The following LHCGR variants were observed in gnomAD, a reference collection of about 807,000 sequenced individuals.
The protein encoded by LHCGR is luteinizing hormone/choriogonadotropin receptor.
A neutral mutation model predicts 60.7 loss-of-function variants in LHCGR; 55 were observed. The ratio of observed to expected loss-of-function variants is 0.91; its 90% CI spans 0.73 to 1.13. The LOEUF (loss-of-function observed/expected upper bound fraction) is 1.13. LHCGR is among the 50% of genes most tolerant of loss of function. The probability of loss-of-function intolerance (pLI) is 0.00; values close to 1 mark genes in which losing one functional copy is unlikely to be tolerated. For missense variants in LHCGR, 862 were observed against 836.0 expected, an observed-to-expected ratio of 1.03 and a Z score of -0.38; for synonymous variants, 337 against 316.5, an observed-to-expected ratio of 1.06 and a Z score of -0.69.
intron 4 of LHCGR, among the ~76,000 whole-genome samples, chr2:48,724,506 A>G (rs1668634664): frequency 6.6e-6 from 1 of 152,206 alleles, no homozygotes; most frequent in Non-Finnish European, 1.5e-5. Context: ...TCTCCTTCTT[A>G]TCCAAAAGCC....
At chr2:48,731,681 G>T (rs988395382) in intron 1 of LHCGR, among the ~76,000 whole-genome samples, 1 of 152,090 alleles carries the variant, frequency 6.6e-6, no homozygotes. Context: ...AATTAATCAG[G>T]ATAATCCATG....
chr2:48,708,883 G>A (rs974263103), intron 8 of LHCGR, 65 bp downstream of exon 8: 20 of 1,210,582 alleles, frequency 1.7e-5, no homozygotes, highest in Non-Finnish European at 2.2e-5. Context: ...GATGTGGAGG[G>A]ACACCCTAAG....
chr2:48,711,554 T>G (rs13428575), intron 7 of LHCGR, among the ~76,000 whole-genome samples: 42,069 of 152,086 alleles, frequency 0.28, 6,695 homozygotes, highest in Non-Finnish European at 0.36. Context: ...ATAGTTCACG[T>G]CCATTTTGGC....
intron 1 of LHCGR, among the ~76,000 whole-genome samples, chr2:48,740,035 C>T (rs918886470): frequency 1.1e-4 from 16 of 152,274 alleles, no homozygotes; most frequent in East Asian, 5.8e-4. Flanking sequence ...TCGGGAAGCG[C>T]GAGGGGTCAG....
rs149199738 is a variant in LHCGR at position 48,729,161 on chromosome 2, C to T, written c.300G>A (p.Leu100=). The T allele has an allele frequency of 1.9e-6, 3 of 1,610,060 alleles. No homozygotes were observed. The African/African-American group carries it at 4.0e-5, about 22-fold the overall frequency. Residue 100 remains leucine, a synonymous_variant, in exon 3 of 11, where the codon TTG becomes TTA. Coordinates refer to ENST00000294954, the MANE Select transcript of LHCGR (RefSeq NM_000233.4). The part of the protein sequence containing the change: ...EANAFDNLLN[L]SEILIQNTKN... ...TGTTAGCTGATGCTTACATTTCAGACAAATTGAGGAGGTTGTCAAAGGCAT... is the reference window on the plus strand; with the variant it reads ...TGTTAGCTGATGCTTACATTTCAGATAAATTGAGGAGGTTGTCAAAGGCAT...
rs62137533 is a variant in LHCGR, at chr2:48,691,003, C to T, written c.948-2154G>A. Among the ~76,000 whole-genome samples the T allele has an allele frequency of 5.6e-3, 859 of 152,322 alleles. 4 individuals carry two copies. The highest frequency in any genetic ancestry group is 0.012 in the South Asian group (58 of 4,826). ...TGAGAGGATACAGGGACAATGAGCA[C>T]ACAGCATGATGCATGTAGGCTCAAC... On this transcript the variant is annotated intron_variant, in intron 10 of 10. Coordinates refer to ENST00000294954, the MANE Select transcript of LHCGR (RefSeq NM_000233.4).
chr2:48,699,469 C>T (rs1023311167), intron 8 of LHCGR, among the ~76,000 whole-genome samples: 4 of 152,096 alleles, frequency 2.6e-5, no homozygotes, highest in South Asian at 2.1e-4. Flanking sequence ...TTGCTTTATG[C>T]GACAGCCAGC....
In LHCGR at chr2:48,755,495, A is replaced by G. The variant is rs1158880070; in HGVS notation, c.161+16T>C. The G allele has an allele frequency of 2.0e-6, 3 of 1,508,498 alleles. No individual in the cohort carries two copies. Among genetic ancestry groups the G allele is most frequent in the Non-Finnish European group, 2.7e-6 (3 of 1,114,410 alleles). 93.4% of individuals were successfully genotyped at this position (1,508,498 alleles called of 1,614,324 possible). ...CCTGCATCAAGGGCGCCGCGACGGG[A>G]GCGCTGTGTACTCACAGTCGAGTGA... On this transcript the variant is annotated intron_variant, in intron 1 of 10. Transcript: ENST00000294954.
chr2:48,753,862 G>A (rs1221618644), intron 1 of LHCGR, among the ~76,000 whole-genome samples: 1 of 152,102 alleles, frequency 6.6e-6, no homozygotes, highest in South Asian at 2.1e-4. Context: ...TTCTTACAAA[G>A]ATGAGCAAAT....
intron 1 of LHCGR, among the ~76,000 whole-genome samples, chr2:48,745,125 G>A (rs1234261747): frequency 6.6e-6 from 1 of 152,198 alleles, no homozygotes; most frequent in Non-Finnish European, 1.5e-5. Context: ...TCAGAGAAAT[G>A]CAAATCAAAA....
intron 1 of LHCGR, among the ~76,000 whole-genome samples, chr2:48,740,739 G>A (rs1001126294): frequency 5.9e-5 from 9 of 152,000 alleles, no homozygotes; most frequent in African/African-American, 1.5e-4. Flanking sequence ...ACAAAGATGG[G>A]GAAAAAACAG....
At chr2:48,704,370 G>A (rs1667559225) in intron 8 of LHCGR, among the ~76,000 whole-genome samples, 1 of 152,122 alleles carries the variant, frequency 6.6e-6, no homozygotes, top group Non-Finnish European at 1.5e-5. Context: ...GGTGTACTCT[G>A]CCAGGTTTAG....
intron 8 of LHCGR, among the ~76,000 whole-genome samples, chr2:48,699,873 C>T (rs188329436): frequency 2.8e-4 from 42 of 152,340 alleles, no homozygotes; most frequent in African/African-American, 9.9e-4. Flanking sequence ...AGAAAAGAGT[C>T]AATGGGAATT....
At chr2:48,718,894 T>A (rs1195578952) in intron 6 of LHCGR, among the ~76,000 whole-genome samples, 1 of 152,242 alleles carries the variant, frequency 6.6e-6, no homozygotes, top group Non-Finnish European at 1.5e-5. Context: ...CTCCCTGTAT[T>A]GCTGTGCCTC....
intron 9 of LHCGR, among the ~76,000 whole-genome samples, chr2:48,695,220 A>C (rs920058886): frequency 2.6e-5 from 4 of 152,068 alleles, no homozygotes; most frequent in African/African-American, 9.7e-5. Context: ...TAGTTTGTGA[A>C]TATTGTTTCC....
At chr2:48,708,341 C>T (rs571667964) in intron 8 of LHCGR, among the ~76,000 whole-genome samples, 2 of 152,280 alleles carry the variant, frequency 1.3e-5, no homozygotes, top group East Asian at 3.9e-4. Flanking sequence ...TCTTTGCCAG[C>T]ACATGAGGCC....
At chr2:48,704,827 A>T (rs1036526115) in intron 8 of LHCGR, among the ~76,000 whole-genome samples, 3 of 151,912 alleles carry the variant, frequency 2.0e-5, no homozygotes, top group Non-Finnish European at 1.5e-5. Flanking sequence ...TTGTTAATCT[A>T]TTCAAAAAAC....
At position 48,688,080 on chromosome 2, in the gene LHCGR, T is replaced by C. The variant is rs1679992961; in HGVS notation, c.1717A>G (p.Ile573Val). 3 of 1,614,068 alleles carry C rather than the reference T, an allele frequency of 1.9e-6. No individual in the cohort carries two copies. In the African/African-American group the frequency reaches 4.0e-5, roughly 22 times the overall value. ...KDTKIAKKMA[I>V]LIFTDFTCMA... ...CAGGTGAAATCGGTGAAGATGAGGA[T>C]TGCCATTTTCTTAGCAATCTTTGTA... The change falls in exon 11 of 11, where the codon ATC (isoleucine) becomes GTC (valine). Residue 573 changes from isoleucine (I) to valine (V), a missense_variant. By Grantham distance (29) the Ile-to-Val change is conservative. Coordinates refer to ENST00000294954, the MANE Select transcript of LHCGR (RefSeq NM_000233.4). The surrounding 1 kb of genome is among the most constrained non-coding windows in gnomAD (Gnocchi z 5.2).
At position 48,688,626 on chromosome 2, in the gene LHCGR, G is replaced by C; in HGVS notation, c.1171C>G (p.Leu391Val). 6.2e-7 allele frequency: 1 copy of C among 1,614,180 alleles called. No homozygotes were observed. The highest frequency in any genetic ancestry group is 8.5e-7 in the Non-Finnish European group (1 of 1,180,020). ...LFVLLTSRYK[L>V]TVPRFLMCNL... Reference sequence around the variant, plus strand: ...CACATGAGAAAACGAGGCACTGTAAGTTTGTAACGACTTGTCAGGAGAACA... The same window carrying C: ...CACATGAGAAAACGAGGCACTGTAACTTTGTAACGACTTGTCAGGAGAACA... Residue 391 changes from leucine to valine, a missense_variant, in exon 11 of 11, where the codon CTT becomes GTT. By Grantham distance (32) the Leu-to-Val change is conservative. Coordinates refer to ENST00000294954, the MANE Select transcript of LHCGR (RefSeq NM_000233.4). The surrounding 1 kb of genome is among the most constrained non-coding windows in gnomAD (Gnocchi z 5.2).
Sources: allele counts gnomAD v4.1 joint callset (sites outside exome capture counted in the v4.1 genomes callset), GRCh38; gene constraint gnomAD v4.1.1; non-coding constraint Gnocchi (gnomAD v3.1); transcripts MANE v1.5; gene names NCBI Gene and HGNC (gene_info 2026-07-23, HGNC 2026-07-21).